ZNF804A: variants seen among roughly 807,000 people sequenced by gnomAD.
ZNF804A encodes the protein zinc finger protein 804A.
Under a neutral mutation model 16.5 loss-of-function variants are expected in ZNF804A, and 2 were observed. The observed-to-expected ratio is 0.12, with a 90% CI of 0.05 to 0.38. The LOEUF (loss-of-function observed/expected upper bound fraction) is 0.38. Ranked by LOEUF, ZNF804A falls within the 10% of genes least tolerant of loss-of-function variation. The pLI, the probability that ZNF804A is intolerant of heterozygous loss-of-function variation, is 0.99. For synonymous variants in ZNF804A, 534 were observed against 489.6 expected (o/e 1.09, Z -1.20); for missense variants, 1,473 against 1,390.7 (o/e 1.06, Z -0.94).
intron 1 of ZNF804A, among the ~76,000 whole-genome samples, chr2:184,846,156 G>T (rs577075347): frequency 2.0e-5 from 3 of 152,160 alleles, no homozygotes; most frequent in African/African-American, 7.2e-5. Context: ...CTCTCACTTT[G>T]TACTCTTCTA....
rs770826640 is a variant in ZNF804A at position 184,598,956 on chromosome 2, C to T, written c.-4C>T. Reference sequence around the variant, plus strand: ...GCTGCGGCGGAGGAGGCGGCGGCTGCCCCATGGAGTGTTACTACATTGTCA... The same window carrying T: ...GCTGCGGCGGAGGAGGCGGCGGCTGTCCCATGGAGTGTTACTACATTGTCA... On this transcript the variant is annotated 5_prime_UTR_variant, in exon 1 of 4. Transcript: ENST00000302277. 4 of 1,562,598 alleles carry T rather than the reference C, an allele frequency of 2.6e-6. No individual in the cohort carries two copies. The highest frequency in any genetic ancestry group is 1.2e-5 in the South Asian group (1 of 86,446).
chr2:184,725,127 A>C (rs1016737043), intron 1 of ZNF804A, among the ~76,000 whole-genome samples: 9 of 151,672 alleles, frequency 5.9e-5, no homozygotes, highest in Non-Finnish European at 1.5e-5. Flanking sequence ...TTGCCTGTTA[A>C]ATATAGAATG....
Position 184,687,795 on chromosome 2 carries a change from TA to T in ZNF804A, c.111+88733del, listed in dbSNP as rs544236795. On this transcript the variant is annotated intron_variant, in intron 1 of 3. Transcript: ENST00000302277. ...TTATGTTCTGTATATTTTACCACAA[TA>T]AAAAAAATTTAGACAGGCCAAATGT... Among the ~76,000 whole-genome samples the T allele has an allele frequency of 5.9e-5, 9 of 152,120 alleles. No homozygotes were observed. In the South Asian group the frequency reaches 1.9e-3, roughly 32 times the overall value.
chr2:184,760,830 T>C (rs1363755655), intron 1 of ZNF804A, among the ~76,000 whole-genome samples: 1 of 152,146 alleles, frequency 6.6e-6, no homozygotes, highest in Non-Finnish European at 1.5e-5. Context: ...AATACGTTAT[T>C]GGTTGCCTGA....
chr2:184,866,748 T>C (rs1157239240), intron 2 of ZNF804A, among the ~76,000 whole-genome samples: 1 of 151,382 alleles, frequency 6.6e-6, no homozygotes, highest in East Asian at 1.9e-4. Flanking sequence ...GAAATACCAT[T>C]CAATTGCCTT....
At chr2:184,826,180 A>G (rs1482566836) in intron 1 of ZNF804A, among the ~76,000 whole-genome samples, 3 of 152,070 alleles carry the variant, frequency 2.0e-5, no homozygotes. Context: ...AACCGAGCCC[A>G]GCTCCCTTTT....
At chr2:184,817,353 G>A (rs1316937426) in intron 1 of ZNF804A, among the ~76,000 whole-genome samples, 2 of 151,664 alleles carry the variant, frequency 1.3e-5, no homozygotes, top group African/African-American at 4.8e-5. Flanking sequence ...CAAACAGAAA[G>A]CAGCAACAAA....
intron 1 of ZNF804A, among the ~76,000 whole-genome samples, chr2:184,625,150 G>C (rs1413624680): frequency 6.6e-6 from 1 of 152,074 alleles, no homozygotes; most frequent in African/African-American, 2.4e-5. Context: ...GCAGAAGTGG[G>C]AGGACAAAAA....
intron 1 of ZNF804A, among the ~76,000 whole-genome samples, chr2:184,726,316 G>C (rs916887078): frequency 4.6e-5 from 7 of 151,398 alleles, no homozygotes; most frequent in Admixed American, 4.6e-4. Flanking sequence ...TTTTATTTTA[G>C]CTCTTCAAAT....
rs73043227 is a variant in ZNF804A at position 184,648,902 on chromosome 2, G to A, written c.111+49832G>A. Among the ~76,000 whole-genome samples the A allele has an allele frequency of 5.4e-3, 822 of 152,024 alleles. 6 individuals carry two copies. Among genetic ancestry groups the A allele is most frequent in the African/African-American group, 0.017 (708 of 41,494 alleles). ...TTGAGGCAGAAAATTAACAAATTCC[G>A]GACTTAAACTTGACACTTGACCAAC... On this transcript the variant is annotated intron_variant, in intron 1 of 3. Transcript: ENST00000302277.
At chr2:184,912,824 G>A (rs903510149) in intron 2 of ZNF804A, among the ~76,000 whole-genome samples, 3 of 151,888 alleles carry the variant, frequency 2.0e-5, no homozygotes, top group African/African-American at 4.8e-5. Flanking sequence ...ACATATTCTG[G>A]ATACTTGGCC....
At chr2:184,911,331 G>A (rs2105831987) in intron 2 of ZNF804A, among the ~76,000 whole-genome samples, 1 of 152,074 alleles carries the variant, frequency 6.6e-6, no homozygotes, top group Middle Eastern at 3.4e-3. Flanking sequence ...TTGTCTATGT[G>A]TTTGTTTTTG....
At chr2:184,796,000 T>C (rs1410382796) in intron 1 of ZNF804A, among the ~76,000 whole-genome samples, 1 of 152,104 alleles carries the variant, frequency 6.6e-6, no homozygotes, top group Admixed American at 6.6e-5. Flanking sequence ...TTTAATTCTG[T>C]TTATGTGGTG....
At chr2:184,631,405 CA>C (rs1279983819) in intron 1 of ZNF804A, among the ~76,000 whole-genome samples, 1 of 152,104 alleles carries the variant, frequency 6.6e-6, no homozygotes, top group Non-Finnish European at 1.5e-5. Context: ...TTGTAAAGTG[CA>C]AAATGTTATG....
chr2:184,842,621 A>T (rs1189662889), intron 1 of ZNF804A, among the ~76,000 whole-genome samples: 2 of 151,812 alleles, frequency 1.3e-5, no homozygotes, highest in Admixed American at 6.6e-5. Context: ...TGACTTTTTG[A>T]TCTGTCTTAT....
chr2:184,815,184 A>G (rs1558969753), intron 1 of ZNF804A, among the ~76,000 whole-genome samples: 1 of 152,002 alleles, frequency 6.6e-6, no homozygotes, highest in Non-Finnish European at 1.5e-5. Flanking sequence ...TCAGAAATCC[A>G]CATTATCCAC....
chr2:184,621,148 C>CGTAT (rs1691412208), intron 1 of ZNF804A, among the ~76,000 whole-genome samples: 1 of 151,578 alleles, frequency 6.6e-6, no homozygotes, highest in African/African-American at 2.4e-5. Flanking sequence ...TTATCTCATA[C>CGTAT]ATTTTTAGTT....
At chr2:184,703,689 C>CA (rs10593157) in intron 1 of ZNF804A, among the ~76,000 whole-genome samples, 1,251 of 56,288 alleles carry the variant, frequency 0.022, 28 homozygotes, top group African/African-American at 0.037. Context: ...GACTCCGGTT[C>CA]AAAAAAAAAA....
At chr2:184,827,227 A>C (rs1352701503) in intron 1 of ZNF804A, among the ~76,000 whole-genome samples, 1 of 151,388 alleles carries the variant, frequency 6.6e-6, no homozygotes, top group South Asian at 2.1e-4. Context: ...TATAGATGAG[A>C]TATATATGAC....
Sources: gnomAD v4.1 joint callset for allele counts (sites outside exome capture counted in the v4.1 genomes callset) on GRCh38, gnomAD v4.1.1 for gene constraint, MANE v1.5 for transcripts, NCBI Gene and HGNC (gene_info 2026-07-23, HGNC 2026-07-21) for gene names.